Variants in L3MBTL4 observed in about 807,000 individuals in gnomAD.
The protein encoded by L3MBTL4 is lethal(3)malignant brain tumor-like protein 4.
Under a neutral mutation model 84.5 loss-of-function variants are expected in L3MBTL4, and 70 were observed. The ratio of observed to expected loss-of-function variants is 0.83; its 90% CI spans 0.68 to 1.01. The LOEUF (loss-of-function observed/expected upper bound fraction) is 1.01, where lower values mean the gene tolerates loss of function less well. Among genes scored for constraint, L3MBTL4 ranks in the 50% least tolerant of loss-of-function variants. The pLI, the probability that L3MBTL4 is intolerant of heterozygous loss-of-function variation, is 0.00. For synonymous variants in L3MBTL4, 274 were observed against 259.8 expected (o/e 1.05, Z -0.52); for missense variants, 715 against 754.8 (o/e 0.95, Z 0.62).
chr18:6,183,777 C>A (rs566485342), intron 12 of L3MBTL4, among the ~76,000 whole-genome samples: 1 of 152,246 alleles, frequency 6.6e-6, no homozygotes, highest in Admixed American at 6.5e-5. Context: ...AGTAGGCGGA[C>A]TCCAGGACTA....
chr18:5,968,697 T>TAAATAAAATAAAATAAAATA (rs34548706), intron 17 of L3MBTL4, among the ~76,000 whole-genome samples: 26 of 142,156 alleles, frequency 1.8e-4, no homozygotes, highest in South Asian at 4.7e-4. Context: ...ACCTTGTCTC[T>TAAATAAAATAAAATAAAATA]AAATAAAATA....
chr18:6,031,589 T>C (rs1033179698), intron 16 of L3MBTL4: 3 of 940,104 alleles, frequency 3.2e-6, no homozygotes, highest in Non-Finnish European at 3.8e-6. Flanking sequence ...CACATGTTTG[T>C]TGGACAGTTG....
intron 4 of L3MBTL4, among the ~76,000 whole-genome samples, chr18:6,290,987 T>C (rs1330248521): frequency 6.6e-6 from 1 of 152,176 alleles, no homozygotes; most frequent in African/African-American, 2.4e-5. Flanking sequence ...ACAAGTCTTG[T>C]GCCTGATGTA....
At chr18:6,162,309 G>A (rs1453944607) in intron 13 of L3MBTL4, among the ~76,000 whole-genome samples, 3 of 151,912 alleles carry the variant, frequency 2.0e-5, no homozygotes, top group Non-Finnish European at 4.4e-5. Context: ...AGTAGTCTTT[G>A]TAGTATTTGA....
At chr18:6,199,412 C>A (rs1265158120) in intron 12 of L3MBTL4, among the ~76,000 whole-genome samples, 1 of 152,238 alleles carries the variant, frequency 6.6e-6, no homozygotes. Context: ...CCAACAGCCA[C>A]ATGCAGCGAG....
chr18:6,269,500 T>C (rs987762742), intron 4 of L3MBTL4, among the ~76,000 whole-genome samples: 1 of 152,110 alleles, frequency 6.6e-6, no homozygotes, highest in Admixed American at 6.6e-5. Flanking sequence ...TTGAAAGTCA[T>C]GTCGACAATA....
At position 6,311,549 on chromosome 18, in the gene L3MBTL4, C is replaced by T; in HGVS notation, c.72+5G>A. ...TGAGGAAGGGTCCAGGGATGGACAT[C>T]TTACCAAGCGTCCGTCCTGATCCAA... On this transcript the variant is annotated splice_donor_5th_base_variant and intron_variant, in intron 3 of 18. Coordinates refer to ENST00000317931, the MANE Select transcript of L3MBTL4 (RefSeq NM_001330559.2). The T allele has an allele frequency of 6.2e-7, 1 of 1,611,474 alleles. No homozygotes were observed. Among genetic ancestry groups the T allele is most frequent in the Non-Finnish European group, 8.5e-7 (1 of 1,178,362 alleles).
At chr18:6,399,397 A>G (rs1042802234) in intron 1 of L3MBTL4, among the ~76,000 whole-genome samples, 9 of 152,118 alleles carry the variant, frequency 5.9e-5, no homozygotes, top group African/African-American at 2.2e-4. Context: ...AGACTGAACC[A>G]CTGCACTCCA....
At chr18:6,179,324 T>C (rs1055120651) in intron 12 of L3MBTL4, among the ~76,000 whole-genome samples, 4 of 152,224 alleles carry the variant, frequency 2.6e-5, no homozygotes, top group African/African-American at 7.2e-5. Flanking sequence ...CTCTTCTAGC[T>C]TTAATTTAAT....
intron 16 of L3MBTL4, among the ~76,000 whole-genome samples, chr18:5,994,046 T>C (rs569959977): frequency 3.9e-5 from 6 of 152,274 alleles, no homozygotes; most frequent in African/African-American, 1.2e-4. Flanking sequence ...GAACCCGGCT[T>C]TTGTGGTTCA....
At chr18:6,033,177 T>C (rs2055923421) in intron 16 of L3MBTL4, among the ~76,000 whole-genome samples, 1 of 152,244 alleles carries the variant, frequency 6.6e-6, no homozygotes, top group Admixed American at 6.5e-5. Context: ...GGTGCACAAA[T>C]GTTTATAATT....
At chr18:6,204,648 G>A (rs905376770) in intron 12 of L3MBTL4, among the ~76,000 whole-genome samples, 1 of 152,164 alleles carries the variant, frequency 6.6e-6, no homozygotes, top group Non-Finnish European at 1.5e-5. Flanking sequence ...ATAAAACAAG[G>A]CATGTTATAT....
intron 13 of L3MBTL4, among the ~76,000 whole-genome samples, chr18:6,153,934 G>C (rs759067010): frequency 4.6e-5 from 7 of 152,152 alleles, no homozygotes; most frequent in Non-Finnish European, 8.8e-5. Flanking sequence ...TCTCAGAGAA[G>C]CTCTTTATAG....
At chr18:6,138,393 TA>T (rs1170331448) in intron 13 of L3MBTL4, 97 bp from the exon 14 acceptor site, 6 of 739,472 alleles carry the variant, frequency 8.1e-6, no homozygotes, top group Non-Finnish European at 1.3e-5. Context: ...CTTTACAAAT[TA>T]AAAACAAACC....
chr18:6,287,156 A>T (rs921374091), intron 4 of L3MBTL4, among the ~76,000 whole-genome samples: 1 of 152,204 alleles, frequency 6.6e-6, no homozygotes, highest in Non-Finnish European at 1.5e-5. Flanking sequence ...TTAGTTACAA[A>T]TGGGCTTTCA....
rs1304080151 is a variant in L3MBTL4, at chr18:6,238,465, G to A, written c.708-425C>T. On this transcript the variant is annotated intron_variant, in intron 9 of 18. Coordinates refer to ENST00000317931, the MANE Select transcript of L3MBTL4 (RefSeq NM_001330559.2). ...GGAGAATGGCGTGAACCCGGGAGGC[G>A]GAGCTCACAGTGAGCCAAGATCGCG... Among the ~76,000 whole-genome samples the A allele has an allele frequency of 4.6e-5, 7 of 152,098 alleles. No homozygotes were observed. The South Asian group carries it at 1.0e-3, about 23-fold the overall frequency.
At chr18:6,301,253 C>T (rs1411179587) in intron 4 of L3MBTL4, among the ~76,000 whole-genome samples, 1 of 152,138 alleles carries the variant, frequency 6.6e-6, no homozygotes, top group Non-Finnish European at 1.5e-5. Context: ...TTATATGCTT[C>T]CTTTCCGTAG....
At chr18:6,355,760 G>A (rs1224856940) in intron 1 of L3MBTL4, among the ~76,000 whole-genome samples, 5 of 151,876 alleles carry the variant, frequency 3.3e-5, no homozygotes, top group East Asian at 3.9e-4. Context: ...CATGATTTAC[G>A]AGTAAACAGT....
chr18:6,045,477 G>T (rs1435042226), intron 16 of L3MBTL4, among the ~76,000 whole-genome samples: 5 of 152,190 alleles, frequency 3.3e-5, no homozygotes, highest in African/African-American at 1.2e-4. Flanking sequence ...ACAGTTCCAC[G>T]TGGCTGGGGA....
Sources: allele counts gnomAD v4.1 joint callset (sites outside exome capture counted in the v4.1 genomes callset), GRCh38; gene constraint gnomAD v4.1.1; transcripts MANE v1.5; gene names NCBI Gene and HGNC (gene_info 2026-07-23, HGNC 2026-07-21).